Variants in DYNC1H1 observed in about 807,000 individuals in gnomAD.
The protein encoded by DYNC1H1 is cytoplasmic dynein 1 heavy chain 1.
Under a neutral mutation model 527.1 loss-of-function variants are expected in DYNC1H1, and 51 were observed. The ratio of observed to expected loss-of-function variants is 0.10; its 90% CI spans 0.08 to 0.12. The LOEUF (loss-of-function observed/expected upper bound fraction) is 0.12. DYNC1H1 is among the 10% of genes least tolerant of loss of function. The pLI is 1.00. For synonymous variants in DYNC1H1, 2,189 were observed against 2,278.8 expected, an observed-to-expected ratio of 0.96 and a Z score of 1.12; for missense variants, 2,771 against 5,971.8, an observed-to-expected ratio of 0.46 and a Z score of 17.66.
In DYNC1H1 at chr14:102,044,468, C is replaced by T. The variant is rs772763192; in HGVS notation, c.12879C>T (p.Asp4293=). The T allele has an allele frequency of 1.9e-6, 3 of 1,614,094 alleles. No homozygotes were observed. The highest frequency in any genetic ancestry group is 1.6e-4 in the Middle Eastern group (1 of 6,084). The change falls in exon 71 of 78, where the codon GAC becomes GAT. Residue 4293 remains aspartate (D), a synonymous_variant. Transcript: ENST00000360184. The surrounding 1 kb of genome is among the most constrained non-coding windows in gnomAD (Gnocchi z 7.1). ...KLACKVDGHK[D]IQMPDGIRRE... The stretch of plus-strand genomic sequence containing the variant: ...CATGCAAGGTCGACGGACATAAAGA[C>T]ATTCAAATGCCAGATGGCATCAGGT...
At chr14:102,032,177 G>T in intron 51 of DYNC1H1, 95 bp from the exon 52 acceptor site, 1 of 1,454,650 alleles carries the variant, frequency 6.9e-7, no homozygotes. Context: ...TCTCTCATTG[G>T]AGTTGGAGCT....
Position 102,004,909 on chromosome 14 carries a change from A to G in DYNC1H1, c.5197A>G (p.Ile1733Val), listed in dbSNP as rs138287354. The G allele has an allele frequency of 4.8e-5, 77 of 1,614,130 alleles. No homozygotes were observed. Among genetic ancestry groups the G allele is most frequent in the East Asian group, 6.7e-5 (3 of 44,904 alleles). The change falls in exon 25 of 78, where the codon ATT (isoleucine) becomes GTT (valine). Residue 1733 changes from isoleucine to valine, a missense_variant. Ile to Val is a conservative substitution (Grantham distance 29). This residue lies in a region of DYNC1H1 where 105 missense variants were observed against 138.1 expected (regional missense o/e 0.76). Transcript: ENST00000360184. ...EVEIFGKATS[I>V]DPNTYITWID... ...TGAGATTTTTGGTAAAGCAACTTCA[A>G]TTGACCCAAATACCTACATCACTTG...
Position 101,970,473 on chromosome 14 carries a change from GTTTT to G in DYNC1H1, c.257-5215_257-5212del, listed in dbSNP as rs958653217. Among the ~76,000 whole-genome samples the G allele has an allele frequency of 8.6e-3, 698 of 81,474 alleles. 19 individuals carry two copies. The highest frequency in any genetic ancestry group is 0.077 in the East Asian group (178 of 2,318). 53.5% of individuals were successfully genotyped at this position (81,474 alleles called of 152,430 possible). A position where few individuals can be genotyped will look rare whatever the true frequency, so the allele number is the denominator to read the frequency against. ...GTATTAGTATGTTTGGTTTGTTGTT[GTTTT>G]TTTTTTTTTTTTTTTTTTTTTTTGA... On this transcript the variant is annotated intron_variant, in intron 1 of 77. Coordinates refer to ENST00000360184, the MANE Select transcript of DYNC1H1 (RefSeq NM_001376.5).
chr14:101,980,205 C>T (rs1432548827), intron 4 of DYNC1H1, among the ~76,000 whole-genome samples, 159 bp from the exon 5 acceptor site: 5 of 151,980 alleles, frequency 3.3e-5, no homozygotes, highest in Non-Finnish European at 4.4e-5. Flanking sequence ...TCTCAGCAGT[C>T]GTATACCTTT....
rs75113705 is a variant in DYNC1H1, at chr14:101,975,716, C to T, written c.261C>T (p.Asp87=). ...VLVERSTLKE[D]VGDEGEEEKE... is the part of the protein sequence containing the mutation. ...TATATTTATTATGATTTGTAGAGGA[C>T]GTCGGTGATGAAGGAGAAGAAGAAA... The change falls in exon 2 of 78, where the codon GAC becomes GAT. Residue 87 remains aspartate (D), a synonymous_variant. Coordinates refer to ENST00000360184, the MANE Select transcript of DYNC1H1 (RefSeq NM_001376.5). 55 of 1,611,968 alleles carry T rather than the reference C, an allele frequency of 3.4e-5. No homozygotes were observed. In the African/African-American group the frequency reaches 3.5e-4, roughly 10 times the overall value.
chr14:101,975,673 A>T (rs1438489265), intron 1 of DYNC1H1, 39 bp from the exon 2 acceptor site: 7 of 1,556,014 alleles, frequency 4.5e-6, no homozygotes, highest in Non-Finnish European at 6.2e-6. Context: ...GAAATTGGAA[A>T]TGTTGATATT....
rs2152595136 is a variant in DYNC1H1, at chr14:102,039,438, C to T, written c.11487C>T (p.Leu3829=). ...TACACTTCTTGTACCAGTACTCCCT[C>T]CAGTTTTTCCTGGACATTTATCACA... ...KQIHFLYQYS[L]QFFLDIYHNV... The change falls in exon 61 of 78, where the codon CTC becomes CTT. Residue 3829 remains leucine (L), a synonymous_variant. Transcript: ENST00000360184. This position sits in a 1 kb window ranked among gnomAD's most constrained non-coding sequence, Gnocchi z 7.0. 6.2e-7 allele frequency: 1 copy of T among 1,614,268 alleles called. No homozygotes were observed. Among genetic ancestry groups the T allele is most frequent in the Non-Finnish European group, 8.5e-7 (1 of 1,180,052 alleles).
chr14:102,042,174 G>C lies in DYNC1H1; in HGVS notation c.12214+50G>C. On this transcript the variant is annotated intron_variant, in intron 66 of 77. Coordinates refer to ENST00000360184, the MANE Select transcript of DYNC1H1 (RefSeq NM_001376.5). The surrounding 1 kb of genome is among the most constrained non-coding windows in gnomAD (Gnocchi z 5.7). The stretch of plus-strand genomic sequence containing the variant: ...GGGCTGGAGCCCTGCAGGATTTGTG[G>C]TGGGCATTGATGTCCGAGGCTGCCG... 1 of 1,613,974 alleles carries C rather than the reference G, an allele frequency of 6.2e-7. No individual in the cohort carries two copies. The highest frequency in any genetic ancestry group is 8.5e-7 in the Non-Finnish European group (1 of 1,179,936).
At position 102,039,393 on chromosome 14, in the gene DYNC1H1, G is replaced by T; in HGVS notation, c.11461-19G>T. 1 of 1,614,034 alleles carries T rather than the reference G, an allele frequency of 6.2e-7. No homozygotes were observed. Among genetic ancestry groups the T allele is most frequent in the Non-Finnish European group, 8.5e-7 (1 of 1,179,876 alleles). On this transcript the variant is annotated intron_variant, in intron 60 of 77. Transcript: ENST00000360184. The surrounding 1 kb of genome is among the most constrained non-coding windows in gnomAD (Gnocchi z 7.0). Reference sequence around the variant, plus strand: ...GTGCCGAGGGAGCTGCCTCACCGCTGCCCACTGCTTCCTTTCAGATACACT... The same window carrying T: ...GTGCCGAGGGAGCTGCCTCACCGCTTCCCACTGCTTCCTTTCAGATACACT...
chr14:102,047,279 TC>T (rs1428448399), intron 72 of DYNC1H1, among the ~76,000 whole-genome samples: 2 of 152,170 alleles, frequency 1.3e-5, no homozygotes, highest in African/African-American at 4.8e-5. Context: ...ATGCCTGTAA[TC>T]CCAGCACTTT....
chr14:102,016,563 A>G lies in DYNC1H1; in HGVS notation c.7614+74A>G. 5 of 1,612,564 alleles carry G rather than the reference A, an allele frequency of 3.1e-6. No homozygotes were observed. Among genetic ancestry groups the G allele is most frequent in the Non-Finnish European group, 4.2e-6 (5 of 1,178,860 alleles). On this transcript the variant is annotated intron_variant, in intron 37 of 77. Transcript: ENST00000360184. This position sits in a 1 kb window ranked among gnomAD's most constrained non-coding sequence, Gnocchi z 7.3. ...TAACTCATCCTGGAACAAGCTGACC[A>G]TGGACCTTGGCTTCGTCTTTTCATT...
intron 29 of DYNC1H1, among the ~76,000 whole-genome samples, chr14:102,008,587 A>G (rs2048223970): frequency 6.6e-6 from 1 of 152,128 alleles, no homozygotes; most frequent in African/African-American, 2.4e-5. Flanking sequence ...CAGGAGTTCA[A>G]GACCAGTCTG....
intron 29 of DYNC1H1, among the ~76,000 whole-genome samples, chr14:102,008,977 C>T (rs2152576735): frequency 1.3e-5 from 2 of 152,344 alleles, no homozygotes. Flanking sequence ...ATGAGCGTGT[C>T]CTCTGGTGCG....
Position 102,018,697 on chromosome 14 carries a change from A to C in DYNC1H1, c.8343+81A>C. 1 of 1,557,022 alleles carries C rather than the reference A, an allele frequency of 6.4e-7. No individual in the cohort carries two copies. Among genetic ancestry groups the C allele is most frequent in the Non-Finnish European group, 8.7e-7 (1 of 1,151,972 alleles). On this transcript the variant is annotated intron_variant, in intron 41 of 77. Transcript: ENST00000360184. This position sits in a 1 kb window ranked among gnomAD's most constrained non-coding sequence, Gnocchi z 5.2. ...CTCGATTGGTCAGGTGTGGTGGTTC[A>C]CACCTGTAATCCCAGCATTTTGGGA...
Position 101,987,614 on chromosome 14 carries a change from C to T in DYNC1H1, c.2700C>T (p.Val900=). 1 of 1,614,144 alleles carries T rather than the reference C, an allele frequency of 6.2e-7. No individual in the cohort carries two copies. The highest frequency in any genetic ancestry group is 8.5e-7 in the Non-Finnish European group (1 of 1,180,034). ...CCTATTCCAATTTGCCCATCTGGGT[C>T]AACAAGCTTGACATGGAGGTAAGGG... ...LHSYSNLPIW[V]NKLDMEIERI... The change falls in exon 9 of 78, where the codon GTC becomes GTT. Residue 900 remains valine (V), a synonymous_variant. Coordinates refer to ENST00000360184, the MANE Select transcript of DYNC1H1 (RefSeq NM_001376.5).
chr14:102,042,595 A>G lies in DYNC1H1; in HGVS notation c.12400-40A>G, dbSNP rs2048665608. ...GTGGTGGAATTGAACAGGCGCCCTCATCCACACCCGAGCATAACTGGAACG... is the reference window on the plus strand; with the variant it reads ...GTGGTGGAATTGAACAGGCGCCCTCGTCCACACCCGAGCATAACTGGAACG... On this transcript the variant is annotated intron_variant, in intron 68 of 77. Coordinates refer to ENST00000360184, the MANE Select transcript of DYNC1H1 (RefSeq NM_001376.5). The surrounding 1 kb of genome is among the most constrained non-coding windows in gnomAD (Gnocchi z 5.7). 13 of 1,613,944 alleles carry G rather than the reference A, an allele frequency of 8.1e-6. No homozygotes were observed. Among genetic ancestry groups the G allele is most frequent in the Non-Finnish European group, 1.0e-5 (12 of 1,179,948 alleles).
Position 102,033,730 on chromosome 14 carries a change from C to T in DYNC1H1, c.10413+246C>T. 1.5e-6 allele frequency: 1 copy of T among 681,726 alleles called. No individual in the cohort carries two copies. 42.2% of individuals were successfully genotyped at this position (681,726 alleles called of 1,614,324 possible). ...TGAATCCCCCACCAGCAGCTCCAGA[C>T]CTGTTTGCTCTGCTGCCTGAGGGCC... On this transcript the variant is annotated intron_variant, in intron 54 of 77. Transcript: ENST00000360184. This position sits in a 1 kb window ranked among gnomAD's most constrained non-coding sequence, Gnocchi z 5.6.
chr14:102,047,662 TA>T, intron 72 of DYNC1H1, 154 bp from the exon 73 acceptor site: 2 of 599,794 alleles, frequency 3.3e-6, no homozygotes, highest in Non-Finnish European at 6.0e-6. Flanking sequence ...TATATATATA[TA>T]TGTACACACG....
Position 102,000,573 on chromosome 14 carries a change from C to CTT in DYNC1H1, c.4074+191_4074+192dup, listed in dbSNP as rs11381677. The CTT allele has an allele frequency of 0.012, 4,883 of 414,476 alleles. 16 individuals carry two copies. Among genetic ancestry groups the CTT allele is most frequent in the African/African-American group, 0.02 (761 of 38,134 alleles). The allele number at this position is 414,476 out of a possible 1,614,324, so 25.7% of individuals were successfully genotyped here. ...AATACTGTAAAACTTATTTTGAAAC[C>CTT]TTTTTTTTTTTTTTTTTTGAGACGG... On this transcript the variant is annotated intron_variant, in intron 18 of 77. Transcript: ENST00000360184.
Sources: gnomAD v4.1 joint callset for allele counts (sites outside exome capture counted in the v4.1 genomes callset) on GRCh38, gnomAD v4.1.1 for gene constraint, gnomAD v4.1.1 regional missense constraint, Gnocchi (gnomAD v3.1) non-coding constraint, MANE v1.5 for transcripts, NCBI Gene and HGNC (gene_info 2026-07-23, HGNC 2026-07-21) for gene names.